The following CDC45 variants were observed in gnomAD, a reference collection of about 807,000 sequenced individuals.
CDC45 encodes the protein cell division control protein 45 homolog.
A neutral mutation model predicts 77.8 loss-of-function variants in CDC45; 54 were observed. That is an observed-to-expected ratio of 0.69 (90% CI 0.56 to 0.87). CDC45 has a LOEUF of 0.87. Among genes scored for constraint, CDC45 ranks in the 40% least tolerant of loss-of-function variants. CDC45 has a pLI of 0.00. For missense variants in CDC45, 649 were observed against 721.6 expected, an observed-to-expected ratio of 0.90 and a Z score of 1.15; for synonymous variants, 260 against 272.1, an observed-to-expected ratio of 0.96 and a Z score of 0.44.
chr22:19,492,007 T>C (rs2090160552), intron 5 of CDC45, among the ~76,000 whole-genome samples: 1 of 152,118 alleles, frequency 6.6e-6, no homozygotes, highest in Non-Finnish European at 1.5e-5. Context: ...GGTTTTTCCA[T>C]GTTGGCCAGG....
In CDC45 at chr22:19,483,129, A is replaced by G. The variant is rs552844343; in HGVS notation, c.342+302A>G. Among the ~76,000 whole-genome samples, 257 of 151,998 alleles carry G rather than the reference A, an allele frequency of 1.7e-3. 1 individual carries two copies. The highest frequency in any genetic ancestry group is 2.8e-3 in the Non-Finnish European group (189 of 67,986). ...CCACGCCCAGCAAATATTTGTTTTT[A>G]TTTTTGTTGAAATGGAGTCTTGGCT... On this transcript the variant is annotated intron_variant, in intron 4 of 18. Transcript: ENST00000263201.
At chr22:19,518,782 T>C in intron 17 of CDC45, 62 bp from the exon 18 acceptor site, 2 of 1,380,720 alleles carry the variant, frequency 1.4e-6, no homozygotes, top group Non-Finnish European at 1.0e-6. Flanking sequence ...AGGGGAGTTC[T>C]GTGCCCTGTC....
At position 19,496,034 on chromosome 22, in the gene CDC45, G is replaced by A. The variant is rs781497533; in HGVS notation, c.591+5G>A. 10 of 1,588,392 alleles carry A rather than the reference G, an allele frequency of 6.3e-6. No individual in the cohort carries two copies. In the South Asian group the frequency reaches 1.1e-4, roughly 18 times the overall value. On this transcript the variant is annotated splice_donor_5th_base_variant and intron_variant, in intron 7 of 18. Transcript: ENST00000263201. Reference sequence around the variant, plus strand: ...TATGAATATCATGGGACATCGGTAAGTATGAATAGGTGGAACTCACTATAA... The same window carrying A: ...TATGAATATCATGGGACATCGGTAAATATGAATAGGTGGAACTCACTATAA...
intron 18 of CDC45, among the ~76,000 whole-genome samples, chr22:19,519,856 G>T (rs1047787704): frequency 1.3e-5 from 2 of 151,992 alleles, no homozygotes; most frequent in African/African-American, 2.4e-5. Context: ...TTTTGGGCGC[G>T]GGGCTCTGAG....
chr22:19,485,568 A>G (rs1315835057), intron 5 of CDC45, among the ~76,000 whole-genome samples: 6 of 152,220 alleles, frequency 3.9e-5, no homozygotes, highest in Non-Finnish European at 1.5e-5. Flanking sequence ...TGGGTTTGGC[A>G]ATAAAGAGAA....
chr22:19,500,426 TC>T (rs1340893600), intron 9 of CDC45, among the ~76,000 whole-genome samples: 1 of 152,136 alleles, frequency 6.6e-6, no homozygotes, highest in East Asian at 1.9e-4. Flanking sequence ...TCTGCCTGCT[TC>T]CTCGTAGCTG....
chr22:19,496,623 C>T (rs941975835), intron 7 of CDC45, among the ~76,000 whole-genome samples: 1 of 152,154 alleles, frequency 6.6e-6, no homozygotes, highest in Non-Finnish European at 1.5e-5. Context: ...CTGCTCAGTC[C>T]TTGCTAATGG....
intron 5 of CDC45, among the ~76,000 whole-genome samples, chr22:19,487,010 C>T (rs1323187733): frequency 6.6e-6 from 1 of 150,504 alleles, no homozygotes; most frequent in African/African-American, 2.4e-5. Context: ...AATATTTTTA[C>T]CAGCCTGGTG....
chr22:19,506,794 C>A (rs1933205675), intron 10 of CDC45, among the ~76,000 whole-genome samples: 1 of 152,168 alleles, frequency 6.6e-6, no homozygotes, highest in African/African-American at 2.4e-5. Flanking sequence ...ATCAGCCAGG[C>A]ATGGTGGCGG....
At chr22:19,486,449 C>CT (rs1325278788) in intron 5 of CDC45, among the ~76,000 whole-genome samples, 4 of 152,142 alleles carry the variant, frequency 2.6e-5, no homozygotes, top group African/African-American at 7.2e-5. Context: ...TACCTTACCT[C>CT]TTTTTTTTCT....
At chr22:19,480,564 G>A (rs896369395) in intron 2 of CDC45, among the ~76,000 whole-genome samples, 1 of 151,252 alleles carries the variant, frequency 6.6e-6, no homozygotes, top group South Asian at 2.2e-4. Context: ...AGAGGAATCT[G>A]TGACAACTGT....
chr22:19,518,970 G>T, intron 18 of CDC45, 61 bp downstream of exon 18: 13 of 1,238,042 alleles, frequency 1.1e-5, no homozygotes, highest in Non-Finnish European at 1.3e-5. Flanking sequence ...CGACCCTGAT[G>T]CCCTGCTCTG....
At chr22:19,495,941 G>C in intron 6 of CDC45, 40 bp from the exon 7 acceptor site, 1 of 1,488,244 alleles carries the variant, frequency 6.7e-7, no homozygotes. Context: ...TTCCTGTACT[G>C]CTACTTCCTG....
chr22:19,493,439 TG>T (rs376367820), intron 5 of CDC45, among the ~76,000 whole-genome samples: 2,701 of 142,826 alleles, frequency 0.019, 63 homozygotes, highest in African/African-American at 0.059. Flanking sequence ...TTTTTTTTTT[TG>T]TTGTTGTTGT....
intron 14 of CDC45, 25 bp downstream of exon 14, chr22:19,514,912 C>CGCCT: frequency 6.2e-7 from 1 of 1,614,220 alleles, no homozygotes; most frequent in Middle Eastern, 1.6e-4. Context: ...AGAGCACAGG[C>CGCCT]GCCTGGTCAC....
intron 5 of CDC45, among the ~76,000 whole-genome samples, chr22:19,489,945 C>T (rs1466553716): frequency 1.3e-5 from 2 of 152,202 alleles, no homozygotes; most frequent in African/African-American, 2.4e-5. Context: ...TTTTACTTCA[C>T]GTATTTATAG....
chr22:19,485,512 G>C (rs549464611), intron 5 of CDC45, among the ~76,000 whole-genome samples: 1 of 152,196 alleles, frequency 6.6e-6, no homozygotes, highest in African/African-American at 2.4e-5. Context: ...TTCAAGGAAG[G>C]CTTGGCCAGC....
At chr22:19,504,854 C>T (rs1933071904) in intron 9 of CDC45, among the ~76,000 whole-genome samples, 1 of 152,188 alleles carries the variant, frequency 6.6e-6, no homozygotes, top group African/African-American at 2.4e-5. Context: ...GAACTACAAT[C>T]TTGTGACAGG....
Position 19,507,427 on chromosome 22 carries a change from G to A in CDC45, c.866G>A (p.Ser289Asn). 6.2e-7 allele frequency: 1 copy of A among 1,614,108 alleles called. No individual in the cohort carries two copies. Among genetic ancestry groups the A allele is most frequent in the Non-Finnish European group, 8.5e-7 (1 of 1,180,022 alleles). Residue 289 changes from serine (S) to asparagine (N), a missense_variant, in exon 11 of 19, where the codon AGC becomes AAC. Transcript: ENST00000263201. ...VLYQHWSLHD[S>N]LCNTSYTAAR... ...TACCAGCACTGGTCCCTCCATGACA[G>A]CCTGTGCAACACCAGCTATACCGCA...
Sources: gnomAD v4.1 joint callset for allele counts (sites outside exome capture counted in the v4.1 genomes callset) on GRCh38, gnomAD v4.1.1 for gene constraint, MANE v1.5 for transcripts, NCBI Gene and HGNC (gene_info 2026-07-23, HGNC 2026-07-21) for gene names.